KIAA1549L: variants seen among roughly 807,000 people sequenced by gnomAD.
The protein encoded by KIAA1549L is UPF0606 protein KIAA1549L.
Under a neutral mutation model 160.7 loss-of-function variants are expected in KIAA1549L, and 88 were observed. That is an observed-to-expected ratio of 0.55 (90% CI 0.46 to 0.65). KIAA1549L has a LOEUF of 0.65. KIAA1549L is among the 30% of genes least tolerant of loss of function. KIAA1549L has a pLI of 0.00. For missense variants in KIAA1549L, 2,258 were observed against 2,437.5 expected, an observed-to-expected ratio of 0.93 and a Z score of 1.55; for synonymous variants, 950 against 976.7, an observed-to-expected ratio of 0.97 and a Z score of 0.51.
chr11:33,459,744 G>A (rs894334190), intron 1 of KIAA1549L, among the ~76,000 whole-genome samples: 1 of 151,366 alleles, frequency 6.6e-6, no homozygotes, highest in Non-Finnish European at 1.5e-5. Flanking sequence ...GGCGGATCAC[G>A]AGGTCAGGAG....
At chr11:33,642,325 A>G (rs1851608451) in intron 16 of KIAA1549L, among the ~76,000 whole-genome samples, 1 of 152,226 alleles carries the variant, frequency 6.6e-6, no homozygotes, top group Non-Finnish European at 1.5e-5. Flanking sequence ...AGGGTGTTAT[A>G]AATAAAGTTA....
chr11:33,658,162 G>A (rs1243909763), intron 18 of KIAA1549L, among the ~76,000 whole-genome samples: 3 of 152,170 alleles, frequency 2.0e-5, no homozygotes, highest in East Asian at 3.8e-4. Context: ...GTGTTAAATG[G>A]GCTTGATTCT....
intron 1 of KIAA1549L, among the ~76,000 whole-genome samples, chr11:33,486,413 T>G (rs1416453292): frequency 6.6e-6 from 1 of 152,224 alleles, no homozygotes; most frequent in African/African-American, 2.4e-5. Flanking sequence ...TTTTCAATTG[T>G]TTCTCTTGGT....
At chr11:33,390,678 A>G (rs894903139) in intron 1 of KIAA1549L, among the ~76,000 whole-genome samples, 1 of 152,222 alleles carries the variant, frequency 6.6e-6, no homozygotes, top group Non-Finnish European at 1.5e-5. Flanking sequence ...TTTAAATGTC[A>G]GTTTGGAGGG....
At chr11:33,521,775 G>C (rs1157231364) in intron 1 of KIAA1549L, among the ~76,000 whole-genome samples, 1 of 152,180 alleles carries the variant, frequency 6.6e-6, no homozygotes, top group Non-Finnish European at 1.5e-5. Flanking sequence ...TTCTCTCTTT[G>C]TGGGCACCCC....
intron 9 of KIAA1549L, among the ~76,000 whole-genome samples, chr11:33,569,614 C>T (rs571604762): frequency 5.3e-5 from 8 of 152,294 alleles, no homozygotes; most frequent in East Asian, 3.9e-4. Flanking sequence ...CACACTTCCC[C>T]GCATGAGTCA....
chr11:33,645,482 C>T (rs1851691861), intron 16 of KIAA1549L, among the ~76,000 whole-genome samples: 1 of 152,100 alleles, frequency 6.6e-6, no homozygotes, highest in African/African-American at 2.4e-5. Context: ...AAGTGCACAC[C>T]GATAGCCAGA....
At position 33,616,852 on chromosome 11, in the gene KIAA1549L, G is replaced by A. The variant is rs1430932572; in HGVS notation, c.5280-1681G>A. The stretch of plus-strand genomic sequence containing the variant: ...CTTAGAATAGAGACACTACATAGGC[G>A]GTGTTGGCGGGCACGGAGGCTCACA... On this transcript the variant is annotated intron_variant, in intron 15 of 20. Coordinates refer to ENST00000658780, the MANE Select transcript of KIAA1549L (RefSeq NM_012194.3). 3.3e-5 allele frequency among the ~76,000 whole-genome samples: 5 copies of A among 152,082 alleles called. No individual in the cohort carries two copies. The South Asian group carries it at 6.2e-4, about 19-fold the overall frequency.
intron 1 of KIAA1549L, among the ~76,000 whole-genome samples, chr11:33,531,889 C>T (rs777791215): frequency 3.9e-5 from 6 of 152,078 alleles, no homozygotes; most frequent in South Asian, 2.1e-4. Flanking sequence ...GATTTAGAGC[C>T]GTGCTCAGTA....
chr11:33,532,660 C>T (rs765590227), intron 1 of KIAA1549L, among the ~76,000 whole-genome samples: 2 of 152,152 alleles, frequency 1.3e-5, no homozygotes, highest in Non-Finnish European at 2.9e-5. Flanking sequence ...AGATATTTTT[C>T]TCTGACATAC....
In KIAA1549L at chr11:33,551,058, T is replaced by C. The variant is rs373303735; in HGVS notation, c.3520T>C (p.Ser1174Pro). The C allele has an allele frequency of 8.8e-5, 142 of 1,613,866 alleles. No homozygotes were observed. Among genetic ancestry groups the C allele is most frequent in the Non-Finnish European group, 1.2e-4 (139 of 1,179,838 alleles). Residue 1174 changes from serine to proline, a missense_variant, in exon 5 of 21, where the codon TCT (serine) becomes CCT (proline). By Grantham distance (74) the Ser-to-Pro change is moderately conservative. Transcript: ENST00000658780. Reference sequence around the variant, plus strand: ...TTTGTAGGTGGACATTCTGGAATATTCTCATAATGTCACAGTTGGTTATTA... The same window carrying C: ...TTTGTAGGTGGACATTCTGGAATATCCTCATAATGTCACAGTTGGTTATTA... ...VSAHVDILEY[S>P]HNVTVGYYAT...
intron 4 of KIAA1549L, among the ~76,000 whole-genome samples, chr11:33,548,901 A>C (rs1488037362): frequency 6.6e-6 from 1 of 152,192 alleles, no homozygotes; most frequent in Non-Finnish European, 1.5e-5. Flanking sequence ...TAGAAAGGAG[A>C]TTCGGCACAT....
intron 6 of KIAA1549L, among the ~76,000 whole-genome samples, chr11:33,556,812 C>T (rs1854663355): frequency 1.3e-5 from 2 of 152,130 alleles, no homozygotes; most frequent in Non-Finnish European, 2.9e-5. Flanking sequence ...GGTTGTACAA[C>T]AGTGTGAATG....
intron 16 of KIAA1549L, among the ~76,000 whole-genome samples, chr11:33,631,064 C>T (rs1236455869): frequency 1.3e-5 from 2 of 152,206 alleles, no homozygotes; most frequent in Non-Finnish European, 2.9e-5. Context: ...TTTGTTCCTT[C>T]CTGTCTGTCC....
intron 1 of KIAA1549L, chr11:33,450,582 C>CAAAA (rs201656420): frequency 0.044 from 5,318 of 119,938 alleles, 369 homozygotes; most frequent in African/African-American, 0.14. Context: ...ACAACAACAA[C>CAAAA]AACAACAAAA....
At chr11:33,398,159 T>A (rs1195390029) in intron 1 of KIAA1549L, among the ~76,000 whole-genome samples, 2 of 151,540 alleles carry the variant, frequency 1.3e-5, no homozygotes, top group African/African-American at 4.9e-5. Context: ...TGACCTCAAG[T>A]GATCTGCCTG....
chr11:33,641,536 T>G (rs1360794264), intron 16 of KIAA1549L, among the ~76,000 whole-genome samples: 1 of 137,338 alleles, frequency 7.3e-6, no homozygotes, highest in Non-Finnish European at 1.5e-5. Context: ...TGTTTGACTC[T>G]GTCAGAGCCC....
At chr11:33,593,707 A>G (rs1031163593) in intron 12 of KIAA1549L, among the ~76,000 whole-genome samples, 4 of 152,124 alleles carry the variant, frequency 2.6e-5, no homozygotes, top group African/African-American at 9.7e-5. Context: ...GTGTTGGGGG[A>G]TACTGGAGGA....
intron 16 of KIAA1549L, among the ~76,000 whole-genome samples, chr11:33,629,740 C>A (rs560417435): frequency 6.6e-6 from 1 of 150,896 alleles, no homozygotes; most frequent in Admixed American, 6.6e-5. Flanking sequence ...CGAATGTCCT[C>A]CCGTAGCTCG....
Sources: gnomAD v4.1 joint callset for allele counts (sites outside exome capture counted in the v4.1 genomes callset) on GRCh38, gnomAD v4.1.1 for gene constraint, MANE v1.5 for transcripts, NCBI Gene and HGNC (gene_info 2026-07-23, HGNC 2026-07-21) for gene names.